Variants in INSIG2 observed in about 807,000 individuals in gnomAD.
INSIG2 encodes insulin-induced gene 2 protein.
In INSIG2, 10 loss-of-function variants were observed where a neutral mutation model predicts 27.2. The ratio of observed to expected loss-of-function variants is 0.37; its 90% CI spans 0.23 to 0.62. The LOEUF (loss-of-function observed/expected upper bound fraction) is 0.62, where lower values mean the gene tolerates loss of function less well. Ranked by LOEUF, INSIG2 falls within the 20% of genes least tolerant of loss-of-function variation. The probability of loss-of-function intolerance (pLI) is 0.65; values close to 1 mark genes in which losing one functional copy is unlikely to be tolerated. For missense variants in INSIG2, 178 were observed against 270.2 expected (o/e 0.66, Z 2.39); for synonymous variants, 97 against 95.8 (o/e 1.01, Z -0.07).
At chr2:118,092,875 G>A (rs947864423) in intron 1 of INSIG2, among the ~76,000 whole-genome samples, 2 of 149,910 alleles carry the variant, frequency 1.3e-5, no homozygotes, top group African/African-American at 2.4e-5. Context: ...TGATGATGAT[G>A]ATGATGATGA....
intron 2 of INSIG2, among the ~76,000 whole-genome samples, chr2:118,097,882 G>A (rs1322556298): frequency 6.6e-6 from 1 of 152,194 alleles, no homozygotes; most frequent in Non-Finnish European, 1.5e-5. Flanking sequence ...TGTTAGAATG[G>A]CCTTGTGAAA....
At chr2:118,104,671 C>T (rs1375724471) in intron 3 of INSIG2, among the ~76,000 whole-genome samples, 1 of 152,124 alleles carries the variant, frequency 6.6e-6, no homozygotes, top group African/African-American at 2.4e-5. Flanking sequence ...ATTTATACTG[C>T]GACATTGCAG....
At position 118,096,712 on chromosome 2, in the gene INSIG2, G is replaced by C; in HGVS notation, c.156G>C (p.Gln52His). ...TAGTGTTAAATTTACTTCAGATTCA[G>C]AGAAATGTGACGCTCTTTCCACCTG... ...LALVLNLLQI[Q>H]RNVTLFPPDV... Residue 52 changes from glutamine (Q) to histidine (H), a missense_variant, in exon 2 of 6, where the codon CAG (glutamine) becomes CAC (histidine). By Grantham distance (24) the Gln-to-His change is conservative. Coordinates refer to ENST00000245787, the MANE Select transcript of INSIG2 (RefSeq NM_016133.4). The C allele has an allele frequency of 6.2e-7, 1 of 1,613,988 alleles. No homozygotes were observed. The highest frequency in any genetic ancestry group is 2.2e-5 in the East Asian group (1 of 44,880).
At chr2:118,096,911 A>G (rs971160892) in intron 2 of INSIG2, 111 bp downstream of exon 2, 2 of 1,226,490 alleles carry the variant, frequency 1.6e-6, no homozygotes, top group Non-Finnish European at 1.1e-6. Context: ...ATTGAGATAT[A>G]ATTTAGGTAT....
chr2:118,107,521 A>C (rs1219681869), intron 5 of INSIG2, among the ~76,000 whole-genome samples: 1 of 152,212 alleles, frequency 6.6e-6, no homozygotes, highest in African/African-American at 2.4e-5. Context: ...GTCACTACTA[A>C]TAAGTGTGTT....
chr2:118,108,245 T>C (rs764311811), intron 5 of INSIG2, 36 bp from the exon 6 acceptor site: 20 of 1,462,532 alleles, frequency 1.4e-5, no homozygotes, highest in Non-Finnish European at 1.8e-5. Flanking sequence ...AAAGAAGTCT[T>C]AATCTGTTAA....
At chr2:118,102,342 G>T (rs1678567095) in intron 2 of INSIG2, among the ~76,000 whole-genome samples, 1 of 152,112 alleles carries the variant, frequency 6.6e-6, no homozygotes, top group Non-Finnish European at 1.5e-5. Context: ...AGAATATTTT[G>T]GGACTCAATC....
In INSIG2 at chr2:118,088,492, G is replaced by A. The variant is rs777474792; in HGVS notation, c.-188G>A. On this transcript the variant is annotated 5_prime_UTR_variant, in exon 1 of 6. Transcript: ENST00000245787. ...CGGAGTTGTGGGAGTGGAGGAGGAA[G>A]AGGCGGTAGGGGGTACGGGGGCTGG... 7 of 152,686 alleles carry A rather than the reference G, an allele frequency of 4.6e-5. No homozygotes were observed. Among genetic ancestry groups the A allele is most frequent in the Non-Finnish European group, 7.3e-5 (5 of 68,396 alleles). The allele number at this position is 152,686 out of a possible 1,614,324, so 9.5% of individuals were successfully genotyped here. A position where few individuals can be genotyped will look rare whatever the true frequency, so the allele number is the denominator to read the frequency against.
At position 118,108,216 on chromosome 2, in the gene INSIG2, A is replaced by G. The variant is rs1678722215; in HGVS notation, c.637-65A>G. 1.6e-5 allele frequency: 17 copies of G among 1,051,776 alleles called. No homozygotes were observed. The East Asian group carries it at 4.4e-4, about 27-fold the overall frequency. 65.2% of individuals were successfully genotyped at this position (1,051,776 alleles called of 1,614,324 possible). On this transcript the variant is annotated intron_variant, in intron 5 of 5. Coordinates refer to ENST00000245787, the MANE Select transcript of INSIG2 (RefSeq NM_016133.4). ...GTTCATTTTTAGAGCTTTTCAGTTT[A>G]TTTGGAAGTTGCTATTCAAAAGAAG... is the stretch of plus-strand genomic sequence containing the variant.
intron 1 of INSIG2, among the ~76,000 whole-genome samples, chr2:118,091,815 CATAA>C (rs993651550): frequency 2.5e-4 from 38 of 152,232 alleles, no homozygotes; most frequent in African/African-American, 7.7e-4. Context: ...TGGTAGAAAA[CATAA>C]ATAAACAGAA....
In INSIG2 at chr2:118,106,997, GT is replaced by G. The variant is rs1678688754; in HGVS notation, c.537-90del. ...TGAGATTATGAAATGAGGTTAGCCA[GT>G]TTAATCTACAGAGTAGTTTATTTTC... On this transcript the variant is annotated intron_variant, in intron 4 of 5. Coordinates refer to ENST00000245787, the MANE Select transcript of INSIG2 (RefSeq NM_016133.4). 3.5e-5 allele frequency: 52 copies of G among 1,503,548 alleles called. No individual in the cohort carries two copies. The South Asian group carries it at 5.9e-4, about 17-fold the overall frequency. The allele number at this position is 1,503,548 out of a possible 1,614,324, so 93.1% of individuals were successfully genotyped here.
At position 118,110,525 on chromosome 2, in the gene INSIG2, A is replaced by G. The variant is rs1678788141; in HGVS notation, c.*2203A>G. On this transcript the variant is annotated 3_prime_UTR_variant, in exon 6 of 6. Coordinates refer to ENST00000245787, the MANE Select transcript of INSIG2 (RefSeq NM_016133.4). The stretch of plus-strand genomic sequence containing the variant: ...TAGTGGGCCCACACAGCTGAAAACC[A>G]TGCTGTTCAAGGGTCAACTGTGTGT... 1 of 152,140 alleles carries G rather than the reference A, an allele frequency of 6.6e-6. No individual in the cohort carries two copies. The highest frequency in any genetic ancestry group is 2.4e-5 in the African/African-American group (1 of 41,440). The allele number at this position is 152,140 out of a possible 1,614,324, so 9.4% of individuals were successfully genotyped here.
chr2:118,099,370 T>C (rs1472223262), intron 2 of INSIG2, among the ~76,000 whole-genome samples: 17 of 152,366 alleles, frequency 1.1e-4, no homozygotes, highest in Admixed American at 1.0e-3. Flanking sequence ...CCTTTCTCTA[T>C]AGCACAATCC....
At chr2:118,099,307 G>A (rs1678485617) in intron 2 of INSIG2, among the ~76,000 whole-genome samples, 1 of 152,176 alleles carries the variant, frequency 6.6e-6, no homozygotes, top group Non-Finnish European at 1.5e-5. Flanking sequence ...CTTTTGGAGG[G>A]GCTCCAGAAT....
chr2:118,090,189 T>C lies in INSIG2; in HGVS notation c.-139+1648T>C, dbSNP rs1678191956. Among the ~76,000 whole-genome samples the C allele has an allele frequency of 2.6e-5, 4 of 152,230 alleles. No individual in the cohort carries two copies. The South Asian group carries it at 8.3e-4, about 31-fold the overall frequency. On this transcript the variant is annotated intron_variant, in intron 1 of 5. Coordinates refer to ENST00000245787, the MANE Select transcript of INSIG2 (RefSeq NM_016133.4). ...AATATGTGAGGTAGTAATTTAACTTTATTATTTAGTAGCTTACGTGACCTA... is the reference window on the plus strand; with the variant it reads ...AATATGTGAGGTAGTAATTTAACTTCATTATTTAGTAGCTTACGTGACCTA...
Position 118,104,439 on chromosome 2 carries a change from T to C in INSIG2, c.369+1118T>C, listed in dbSNP as rs1263114613. Among the ~76,000 whole-genome samples, 3 of 152,212 alleles carry C rather than the reference T, an allele frequency of 2.0e-5. No homozygotes were observed. The East Asian group carries it at 5.8e-4, about 29-fold the overall frequency. The stretch of plus-strand genomic sequence containing the variant: ...TTTGGAAGTCCCTCAGTGGCTATTA[T>C]TAGTTTTAATTTCTGTTTGTATTGA... On this transcript the variant is annotated intron_variant, in intron 3 of 5. Transcript: ENST00000245787.
At chr2:118,103,363 C>T (rs768965351) in intron 3 of INSIG2, 42 bp downstream of exon 3, 6 of 1,561,364 alleles carry the variant, frequency 3.8e-6, no homozygotes, top group Non-Finnish European at 5.2e-6. Context: ...AACAAAGTGG[C>T]TTCCAACAAA....
intron 1 of INSIG2, among the ~76,000 whole-genome samples, chr2:118,095,609 T>C (rs907719946): frequency 1.3e-5 from 2 of 152,216 alleles, no homozygotes; most frequent in Non-Finnish European, 2.9e-5. Flanking sequence ...CTGATTGTAG[T>C]AGCAAAGTTT....
chr2:118,093,795 T>A (rs199556938), intron 1 of INSIG2, among the ~76,000 whole-genome samples: 1,294 of 51,002 alleles, frequency 0.025, no homozygotes, highest in East Asian at 0.072. Context: ...GATGATGATG[T>A]TGATGATGAT....
Sources: gnomAD v4.1 joint callset for allele counts (sites outside exome capture counted in the v4.1 genomes callset) on GRCh38, gnomAD v4.1.1 for gene constraint, MANE v1.5 for transcripts, NCBI Gene and HGNC (gene_info 2026-07-23, HGNC 2026-07-21) for gene names.